The following SGIP1 variants were observed in gnomAD, a reference collection of about 807,000 sequenced individuals.
The protein encoded by SGIP1 is SH3GL interacting endocytic adaptor 1, also known as SH3-containing GRB2-like protein 3-interacting protein 1.
A neutral mutation model predicts 107.5 loss-of-function variants in SGIP1; 38 were observed. The observed-to-expected ratio is 0.35, with a 90% confidence interval of 0.27 to 0.46. The LOEUF is 0.46. Among genes scored for constraint, SGIP1 ranks in the 20% least tolerant of loss-of-function variants. The probability of loss-of-function intolerance (pLI) is 1.00; values close to 1 mark genes in which losing one functional copy is unlikely to be tolerated. For missense variants in SGIP1, 929 were observed against 1,019.5 expected (o/e 0.91, Z 1.21); for synonymous variants, 365 against 366.1 (o/e 1.00, Z 0.03).
rs187325926 is a variant in SGIP1 at position 66,591,713 on chromosome 1, C to T, written c.11-34134C>T. ...GCGCTCAGCATAGGGAGGACCAGCG[C>T]GGGCACTGGTCTCTGAGTTCCCTCA... On this transcript the variant is annotated intron_variant, in intron 1 of 24. Coordinates refer to ENST00000371037, the MANE Select transcript of SGIP1 (RefSeq NM_032291.4). Among the ~76,000 whole-genome samples, 8 of 152,260 alleles carry T rather than the reference C, an allele frequency of 5.3e-5. No individual in the cohort carries two copies. In the South Asian group the frequency reaches 1.5e-3, roughly 28 times the overall value.
chr1:66,684,329 T>G lies in SGIP1; in HGVS notation c.1315+1960T>G. On this transcript the variant is annotated intron_variant, in intron 15 of 24. Coordinates refer to ENST00000371037, the MANE Select transcript of SGIP1 (RefSeq NM_032291.4). Reference sequence around the variant, plus strand: ...GTGTCATCGACAAGATCACCAAAAGTCTTCTCTCAAAATGTACTCGTCTGT... The same window carrying G: ...GTGTCATCGACAAGATCACCAAAAGGCTTCTCTCAAAATGTACTCGTCTGT... 3.1e-6 allele frequency: 4 copies of G among 1,291,806 alleles called. No individual in the cohort carries two copies. In the South Asian group the frequency reaches 6.0e-5, roughly 19 times the overall value. 80.0% of individuals were successfully genotyped at this position (1,291,806 alleles called of 1,614,324 possible).
chr1:66,697,306 G>T (rs1571960018), intron 18 of SGIP1, among the ~76,000 whole-genome samples: 1 of 152,258 alleles, frequency 6.6e-6, no homozygotes, highest in East Asian at 1.9e-4. Context: ...AAATATATTT[G>T]TCAGTAGATG....
chr1:66,591,339 A>C (rs2063583484), intron 1 of SGIP1, among the ~76,000 whole-genome samples: 1 of 152,216 alleles, frequency 6.6e-6, no homozygotes, highest in Admixed American at 6.5e-5. Flanking sequence ...CCTCAACATA[A>C]GCCCGTTAGA....
intron 18 of SGIP1, among the ~76,000 whole-genome samples, chr1:66,708,297 A>C (rs770948155): frequency 4.6e-5 from 7 of 152,232 alleles, no homozygotes; most frequent in African/African-American, 7.2e-5. Flanking sequence ...AGTGCTTTAC[A>C]TAAATTAGCT....
At chr1:66,660,421 G>T in intron 7 of SGIP1, 92 bp from the exon 8 acceptor site, 1 of 1,240,966 alleles carries the variant, frequency 8.1e-7, no homozygotes, top group South Asian at 1.2e-5. Flanking sequence ...CTTAAGTAAG[G>T]TTATCCTGAA....
intron 1 of SGIP1, among the ~76,000 whole-genome samples, chr1:66,542,501 C>G (rs187973038): frequency 6.6e-6 from 1 of 152,050 alleles, no homozygotes; most frequent in African/African-American, 2.4e-5. Context: ...ACAGGCACTG[C>G]GATATGCAAC....
chr1:66,548,365 C>G (rs924368922), intron 1 of SGIP1, among the ~76,000 whole-genome samples: 8 of 151,920 alleles, frequency 5.3e-5, no homozygotes, highest in Admixed American at 3.3e-4. Context: ...GTGCCCTCCC[C>G]CAAGCCACTC....
chr1:66,556,638 C>A (rs1052521208), intron 1 of SGIP1, among the ~76,000 whole-genome samples: 10 of 151,908 alleles, frequency 6.6e-5, no homozygotes, highest in Admixed American at 5.9e-4. Context: ...TCTCCAGAAT[C>A]CCCCACCCCC....
At chr1:66,738,922 T>C (rs866378452) in intron 21 of SGIP1, among the ~76,000 whole-genome samples, 2 of 152,098 alleles carry the variant, frequency 1.3e-5, no homozygotes, top group Middle Eastern at 3.4e-3. Flanking sequence ...TGGGTAAATA[T>C]TATTGTTGTA....
chr1:66,699,663 C>T (rs2091574098), intron 18 of SGIP1, among the ~76,000 whole-genome samples: 1 of 152,158 alleles, frequency 6.6e-6, no homozygotes, highest in Admixed American at 6.5e-5. Flanking sequence ...TTCTTTCATT[C>T]AACAAATATT....
chr1:66,721,985 C>T (rs1416322340), intron 19 of SGIP1, among the ~76,000 whole-genome samples: 1 of 152,094 alleles, frequency 6.6e-6, no homozygotes, highest in African/African-American at 2.4e-5. Flanking sequence ...TCTTACAAGA[C>T]CCTCCATGAT....
chr1:66,539,699 C>T (rs969107079), intron 1 of SGIP1, among the ~76,000 whole-genome samples: 10 of 152,196 alleles, frequency 6.6e-5, no homozygotes, highest in African/African-American at 2.4e-4. Flanking sequence ...TGCCTCAGGG[C>T]TTTTTCTTTG....
intron 1 of SGIP1, among the ~76,000 whole-genome samples, chr1:66,552,664 T>C (rs922655789): frequency 4.6e-5 from 7 of 152,186 alleles, no homozygotes; most frequent in African/African-American, 1.4e-4. Flanking sequence ...CTTTCTGTTT[T>C]CTCAGCTTTG....
At chr1:66,566,857 C>G (rs529415635) in intron 1 of SGIP1, among the ~76,000 whole-genome samples, 1 of 152,078 alleles carries the variant, frequency 6.6e-6, no homozygotes, top group South Asian at 2.1e-4. Context: ...GCTCTCCCTC[C>G]CCTTGCCCCC....
chr1:66,641,708 C>T (rs1019095437), intron 5 of SGIP1, among the ~76,000 whole-genome samples: 1 of 152,096 alleles, frequency 6.6e-6, no homozygotes, highest in African/African-American at 2.4e-5. Context: ...AATAAGAATC[C>T]AAATATGATC....
At chr1:66,581,485 A>G (rs1403118364) in intron 1 of SGIP1, among the ~76,000 whole-genome samples, 2 of 152,030 alleles carry the variant, frequency 1.3e-5, no homozygotes, top group African/African-American at 4.8e-5. Flanking sequence ...TTTTTATTAC[A>G]TTTAATTGTA....
intron 1 of SGIP1, among the ~76,000 whole-genome samples, chr1:66,573,408 G>T (rs1268382016): frequency 6.6e-6 from 1 of 152,048 alleles, no homozygotes; most frequent in African/African-American, 2.4e-5. Context: ...TCGTTACTGG[G>T]TATATACCCA....
rs2053045552 is a variant in SGIP1, at chr1:66,534,302, G to A, written c.-57G>A. 6 of 1,600,020 alleles carry A rather than the reference G, an allele frequency of 3.7e-6. No individual in the cohort carries two copies. Among genetic ancestry groups the A allele is most frequent in the South Asian group, 1.1e-5 (1 of 90,760 alleles). On this transcript the variant is annotated 5_prime_UTR_variant, in exon 1 of 25. Transcript: ENST00000371037. ...GAGGACTTAGCTGGGACCTGGAATC[G>A]TATCCTCCTGTGTTTTTTCAGACTC...
At chr1:66,557,470 A>C (rs1404261512) in intron 1 of SGIP1, among the ~76,000 whole-genome samples, 2 of 151,974 alleles carry the variant, frequency 1.3e-5, no homozygotes, top group Non-Finnish European at 2.9e-5. Context: ...TTTCCCTTTA[A>C]CTTGAGCCTG....
Sources: allele counts gnomAD v4.1 joint callset (sites outside exome capture counted in the v4.1 genomes callset), GRCh38; gene constraint gnomAD v4.1.1; transcripts MANE v1.5; gene names NCBI Gene and HGNC (gene_info 2026-07-23, HGNC 2026-07-21).